PDPK1: variants seen among roughly 807,000 people sequenced by gnomAD.
PDPK1 encodes 3-phosphoinositide-dependent protein kinase 1.
A neutral mutation model predicts 39.8 loss-of-function variants in PDPK1; 7 were observed. That is an observed-to-expected ratio of 0.18 (90% CI 0.10 to 0.33). The LOEUF is 0.33. Ranked by LOEUF, PDPK1 falls within the 10% of genes least tolerant of loss-of-function variation. The pLI is 1.00. For missense variants in PDPK1, 182 were observed against 384.7 expected (o/e 0.47, Z 4.41); for synonymous variants, 118 against 159.1 (o/e 0.74, Z 1.95).
intron 1 of PDPK1, chr16:2,539,039 C>G: frequency 4.6e-6 from 1 of 215,280 alleles, no homozygotes; most frequent in Non-Finnish European, 9.5e-6. Flanking sequence ...GAAGGAAAAC[C>G]CAAGAAATTT....
At position 2,597,662 on chromosome 16, in the gene PDPK1, G is replaced by C; in HGVS notation, c.1566G>C (p.Thr522=). 2 of 1,612,648 alleles carry C rather than the reference G, an allele frequency of 1.2e-6. No homozygotes were observed. The highest frequency in any genetic ancestry group is 8.5e-7 in the Non-Finnish European group (1 of 1,178,726). The part of the protein sequence containing the change: ...KTFFVHTPNR[T]YYLMDPSGNA... Reference sequence around the variant, plus strand: ...TTCTGTCTTCGCAGCCTAACAGGACGTATTATCTGATGGACCCCAGCGGGA... The same window carrying C: ...TTCTGTCTTCGCAGCCTAACAGGACCTATTATCTGATGGACCCCAGCGGGA... The change falls in exon 14 of 14, where the codon ACG becomes ACC. Residue 522 remains threonine, a synonymous_variant. Transcript: ENST00000342085. The surrounding 1 kb of genome is among the most constrained non-coding windows in gnomAD (Gnocchi z 6.3).
At chr16:2,579,945 GAAAAAAGAA>G (rs2141985798) in intron 7 of PDPK1, 1 of 139,248 alleles carries the variant, frequency 7.2e-6, no homozygotes, top group South Asian at 2.4e-4. Context: ...AAAAGAAAAA[GAAAAAAGAA>G]AAAAAAGAAA....
chr16:2,538,195 C>T (rs1259076241), intron 1 of PDPK1, 59 bp downstream of exon 1: 3 of 965,580 alleles, frequency 3.1e-6, no homozygotes, highest in Non-Finnish European at 3.8e-6. Flanking sequence ...GTCCGGCGGC[C>T]GCCCGGGTCC....
chr16:2,599,041 G>A lies in PDPK1; in HGVS notation c.*1274G>A, dbSNP rs2067160182. ...GTCGGCTTTCCTCTAGAGAGAGCCG[G>A]TTTTGGGGCCATTTCCCTTTGATGC... On this transcript the variant is annotated 3_prime_UTR_variant, in exon 14 of 14. Transcript: ENST00000342085. 1 of 233,468 alleles carries A rather than the reference G, an allele frequency of 4.3e-6. No homozygotes were observed. The highest frequency in any genetic ancestry group is 2.2e-5 in the African/African-American group (1 of 45,486). 14.5% of individuals were successfully genotyped at this position (233,468 alleles called of 1,614,324 possible).
At chr16:2,543,208 C>T (rs1228141680) in intron 1 of PDPK1, among the ~76,000 whole-genome samples, 3 of 8,110 alleles carry the variant, frequency 3.7e-4, no homozygotes, top group Non-Finnish European at 8.2e-4. Context: ...CCAGGAGCCC[C>T]GGGGTTGGGA....
rs1259394936 is a variant in PDPK1 at position 2,597,357 on chromosome 16, C to A, written c.1554+82C>A. The A allele has an allele frequency of 6.3e-6, 8 of 1,274,628 alleles. No homozygotes were observed. The African/African-American group carries it at 1.0e-4, about 17-fold the overall frequency. 79.0% of individuals were successfully genotyped at this position (1,274,628 alleles called of 1,614,324 possible). A position where few individuals can be genotyped will look rare whatever the true frequency, so the allele number is the denominator to read the frequency against. ...GTGGGAAGCAGCCACAGGCCTTGGC[C>A]AGAGGGAGCAGCGGGGATCGGGGCA... On this transcript the variant is annotated intron_variant, in intron 13 of 13. Transcript: ENST00000342085. The surrounding 1 kb of genome is among the most constrained non-coding windows in gnomAD (Gnocchi z 6.3).
rs137906061 is a variant in PDPK1, at chr16:2,601,960, T to C, written c.*4193T>C. 1.6e-3 allele frequency: 366 copies of C among 233,278 alleles called. No individual in the cohort carries two copies. The highest frequency in any genetic ancestry group is 2.6e-3 in the Non-Finnish European group (305 of 117,304). The allele number at this position is 233,278 out of a possible 1,614,324, so 14.5% of individuals were successfully genotyped here. On this transcript the variant is annotated 3_prime_UTR_variant, in exon 14 of 14. Transcript: ENST00000342085. ...GCAGGAGGTTTTTCTAGGCACCGTG[T>C]TCAGTGCTGCTTCACTCTACCAGAG...
chr16:2,546,773 G>C (rs2066356248), intron 1 of PDPK1, among the ~76,000 whole-genome samples: 1 of 152,130 alleles, frequency 6.6e-6, no homozygotes, highest in African/African-American at 2.4e-5. Flanking sequence ...GGTGTCCTGT[G>C]GCGGCAAAAG....
At chr16:2,586,602 G>T (rs924146033) in intron 10 of PDPK1, 74 bp from the exon 11 acceptor site, 39 of 1,328,582 alleles carry the variant, frequency 2.9e-5, no homozygotes, top group Non-Finnish European at 4.2e-5. Flanking sequence ...CAGCGGCAGT[G>T]CGGGAGGGGC....
At chr16:2,589,206 T>G (rs2066938751) in intron 11 of PDPK1, among the ~76,000 whole-genome samples, 2 of 152,190 alleles carry the variant, frequency 1.3e-5, no homozygotes, top group African/African-American at 4.8e-5. Flanking sequence ...TCTGCCCACC[T>G]CGGCTTCTCA....
At chr16:2,545,619 T>C (rs187157651) in intron 1 of PDPK1, among the ~76,000 whole-genome samples, 1 of 152,192 alleles carries the variant, frequency 6.6e-6, no homozygotes, top group East Asian at 1.9e-4. Context: ...TTCAGCTTCA[T>C]GAGTAGCTAG....
intron 1 of PDPK1, among the ~76,000 whole-genome samples, chr16:2,541,881 G>A (rs1409666498): frequency 1.1e-4 from 16 of 151,984 alleles, no homozygotes. Context: ...CACAGGCAGG[G>A]CACATCTTCT....
At chr16:2,553,098 A>G (rs1470926182) in intron 1 of PDPK1, among the ~76,000 whole-genome samples, 2 of 145,190 alleles carry the variant, frequency 1.4e-5, no homozygotes, top group Admixed American at 6.7e-5. Flanking sequence ...GGGGGCTTGC[A>G]TGGTGACCCC....
chr16:2,576,727 C>T (rs1296053504), intron 6 of PDPK1: 1 of 156,890 alleles, frequency 6.4e-6, no homozygotes, highest in East Asian at 2.0e-4. Context: ...CCTTGGCCTC[C>T]CAAAGCAGTG....
At chr16:2,596,765 G>C (rs886561434) in intron 12 of PDPK1, among the ~76,000 whole-genome samples, 4 of 152,118 alleles carry the variant, frequency 2.6e-5, no homozygotes, top group Non-Finnish European at 5.9e-5. Context: ...GCAGGCTCCT[G>C]GCCTCTGTTC....
At chr16:2,594,089 G>A (rs2067049643) in intron 11 of PDPK1, 3 of 152,326 alleles carry the variant, frequency 2.0e-5, no homozygotes, top group African/African-American at 7.2e-5. Context: ...AGGTCTGGGT[G>A]GGTCAGATGG....
Position 2,598,053 on chromosome 16 carries a change from CA to C in PDPK1, c.*287del. 1 of 486,462 alleles carries C rather than the reference CA, an allele frequency of 2.1e-6. No homozygotes were observed. The highest frequency in any genetic ancestry group is 2.4e-5 in the South Asian group (1 of 41,154). 30.1% of individuals were successfully genotyped at this position (486,462 alleles called of 1,614,324 possible). A position where few individuals can be genotyped will look rare whatever the true frequency, so the allele number is the denominator to read the frequency against. Reference sequence around the variant, plus strand: ...GTTGCCGTGGGGACCCAGCTCCATGCACGTCAACCCAGTCCCGCCCAGACTA... The same window carrying C: ...GTTGCCGTGGGGACCCAGCTCCATGCCGTCAACCCAGTCCCGCCCAGACTA... On this transcript the variant is annotated 3_prime_UTR_variant, in exon 14 of 14. Transcript: ENST00000342085.
intron 10 of PDPK1, among the ~76,000 whole-genome samples, chr16:2,584,493 G>A (rs576698670): frequency 1.3e-5 from 2 of 150,614 alleles, no homozygotes; most frequent in East Asian, 2.0e-4. Context: ...TCGCCCTCCC[G>A]ACTAGCGGGA....
rs1039100683 is a variant in PDPK1, at chr16:2,602,889, C to G, written c.*5122C>G. 2.1e-5 allele frequency: 5 copies of G among 232,774 alleles called. No individual in the cohort carries two copies. 14.4% of individuals were successfully genotyped at this position (232,774 alleles called of 1,614,324 possible). On this transcript the variant is annotated 3_prime_UTR_variant, in exon 14 of 14. Transcript: ENST00000342085. ...GGCTATTGTTGGCCTCTAGTTCAGT[C>G]TGTGTTATTTAAATTCTAATATATG... is the stretch of plus-strand genomic sequence containing the variant.
Sources: gnomAD v4.1 joint callset for allele counts (sites outside exome capture counted in the v4.1 genomes callset) on GRCh38, gnomAD v4.1.1 for gene constraint, Gnocchi (gnomAD v3.1) non-coding constraint, MANE v1.5 for transcripts, NCBI Gene and HGNC (gene_info 2026-07-23, HGNC 2026-07-21) for gene names.